Variants in TRDMT1 observed in about 807,000 individuals in gnomAD.
TRDMT1 encodes tRNA aspartic acid methyltransferase 1.
In TRDMT1, 49 loss-of-function variants were observed where a neutral mutation model predicts 51.2. That is an observed-to-expected ratio of 0.96 (90% CI 0.76 to 1.21). The LOEUF is 1.21. Ranked by LOEUF, TRDMT1 falls within the 50% of genes most tolerant of loss-of-function variation. The pLI, the probability that TRDMT1 is intolerant of heterozygous loss-of-function variation, is 0.00. For missense variants in TRDMT1, 534 were observed against 462.3 expected (o/e 1.16, Z -1.42); for synonymous variants, 187 against 164.6 (o/e 1.14, Z -1.04).
intron 3 of TRDMT1, among the ~76,000 whole-genome samples, chr10:17,166,545 C>T: frequency 6.6e-6 from 1 of 152,062 alleles, no homozygotes; most frequent in Non-Finnish European, 1.5e-5. Flanking sequence ...TGCTATTTAT[C>T]TTCAGAGTCT....
chr10:17,160,522 A>G (rs936769426), intron 5 of TRDMT1, 148 bp from the exon 6 acceptor site: 21 of 441,392 alleles, frequency 4.8e-5, no homozygotes, highest in Admixed American at 3.9e-5. Context: ...CCCAGGCTGG[A>G]ATGCAATGGC....
chr10:17,148,654 A>G lies in TRDMT1; in HGVS notation c.*386T>C. 1.0e-6 allele frequency: 1 copy of G among 967,562 alleles called. No individual in the cohort carries two copies. 59.9% of individuals were successfully genotyped at this position (967,562 alleles called of 1,614,324 possible). ...ATTAGAATCATTATTTTAAAATTAGAAATAAAAAACTTCTTTAATTAACAT... is the reference window on the plus strand; with the variant it reads ...ATTAGAATCATTATTTTAAAATTAGGAATAAAAAACTTCTTTAATTAACAT... On this transcript the variant is annotated 3_prime_UTR_variant, in exon 11 of 11. Coordinates refer to ENST00000377799, the MANE Select transcript of TRDMT1 (RefSeq NM_004412.7).
chr10:17,157,722 T>A lies in TRDMT1; in HGVS notation c.606A>T (p.Glu202Asp). The A allele has an allele frequency of 6.2e-7, 1 of 1,611,708 alleles. No individual in the cohort carries two copies. The highest frequency in any genetic ancestry group is 8.5e-7 in the Non-Finnish European group (1 of 1,179,418). Residue 202 changes from glutamate to aspartate, a missense_variant, in exon 8 of 11, where the codon GAA becomes GAT. Physicochemically the swap from Glu to Asp is conservative, Grantham distance 45. Transcript: ENST00000377799. Reference sequence around the variant, plus strand: ...CAACGTTCTTTTCTTGAATTTTATTTTCTACATCCATTGCATATTTTTGTG... The same window carrying A: ...CAACGTTCTTTTCTTGAATTTTATTATCTACATCCATTGCATATTTTTGTG... ...VHPQKYAMDV[E>D]NKIQEKNVEP...
At position 17,145,096 on chromosome 10, in the gene TRDMT1, A is replaced by C; in HGVS notation, c.*3944T>G. On this transcript the variant is annotated 3_prime_UTR_variant, in exon 11 of 11. Transcript: ENST00000377799. ...GAAACCCGATCTCTACTAATACAAAAATTAGCTAGGTGTGGTGGCATGCGC... is the reference window on the plus strand; with the variant it reads ...GAAACCCGATCTCTACTAATACAAACATTAGCTAGGTGTGGTGGCATGCGC... The C allele has an allele frequency of 4.8e-6, 3 of 628,070 alleles. No individual in the cohort carries two copies. Among genetic ancestry groups the C allele is most frequent in the Non-Finnish European group, 6.0e-6 (3 of 503,676 alleles). The allele number at this position is 628,070 out of a possible 1,614,324, so 38.9% of individuals were successfully genotyped here. A position where few individuals can be genotyped will look rare whatever the true frequency, so the allele number is the denominator to read the frequency against.
At chr10:17,178,416 C>G (rs952478730) in intron 1 of TRDMT1, among the ~76,000 whole-genome samples, 2 of 152,074 alleles carry the variant, frequency 1.3e-5, no homozygotes, top group Non-Finnish European at 2.9e-5. Flanking sequence ...TGGCTCACAC[C>G]TGTAATTCCA....
rs1241424119 is a variant in TRDMT1 at position 17,138,813 on chromosome 10, G to A, written c.*10227C>T. ...TCATAAACAATGAGAAAAAAATAAC[G>A]AAATTCAAATCCAGAGGGACAAACG... On this transcript the variant is annotated 3_prime_UTR_variant, in exon 11 of 11. Coordinates refer to ENST00000377799, the MANE Select transcript of TRDMT1 (RefSeq NM_004412.7). 2.6e-5 allele frequency among the ~76,000 whole-genome samples: 4 copies of A among 151,624 alleles called. No individual in the cohort carries two copies. The highest frequency in any genetic ancestry group is 2.1e-4 in the South Asian group (1 of 4,804).
chr10:17,194,476 C>A (rs1359600068), intron 1 of TRDMT1, among the ~76,000 whole-genome samples: 1 of 152,050 alleles, frequency 6.6e-6, no homozygotes, highest in Non-Finnish European at 1.5e-5. Context: ...AAACAAACAA[C>A]CCCACTTAAA....
At position 17,145,371 on chromosome 10, in the gene TRDMT1, CTGATA is replaced by C. The variant is rs1363045005; in HGVS notation, c.*3664_*3668del. 1 of 985,238 alleles carries C rather than the reference CTGATA, an allele frequency of 1.0e-6. No individual in the cohort carries two copies. The highest frequency in any genetic ancestry group is 1.1e-4 in the East Asian group (1 of 8,804). 61.0% of individuals were successfully genotyped at this position (985,238 alleles called of 1,614,324 possible). A position where few individuals can be genotyped will look rare whatever the true frequency, so the allele number is the denominator to read the frequency against. ...GTCCAGAAAAGTGCTTGCTAAGAAG[CTGATA>C]TGATAGTTGTATATAGCACATTTGA... On this transcript the variant is annotated 3_prime_UTR_variant, in exon 11 of 11. Coordinates refer to ENST00000377799, the MANE Select transcript of TRDMT1 (RefSeq NM_004412.7).
At position 17,139,749 on chromosome 10, in the gene TRDMT1, T is replaced by G. The variant is rs979097459; in HGVS notation, c.*9291A>C. 2.0e-5 allele frequency among the ~76,000 whole-genome samples: 3 copies of G among 152,132 alleles called. No individual in the cohort carries two copies. The highest frequency in any genetic ancestry group is 7.2e-5 in the African/African-American group (3 of 41,412). On this transcript the variant is annotated 3_prime_UTR_variant, in exon 11 of 11. Transcript: ENST00000377799. ...CATCATTCCCAGGGGATTTGTTAATTGAAGTGCCACATAGATCTGTGGGAA... is the reference window on the plus strand; with the variant it reads ...CATCATTCCCAGGGGATTTGTTAATGGAAGTGCCACATAGATCTGTGGGAA...
chr10:17,144,527 A>C lies in TRDMT1; in HGVS notation c.*4513T>G. Reference sequence around the variant, plus strand: ...GGTGTACTTGAGGGAGACTTCAGTAAGTGCTGGATGTGGCTGAAAGTAAGA... The same window carrying C: ...GGTGTACTTGAGGGAGACTTCAGTACGTGCTGGATGTGGCTGAAAGTAAGA... On this transcript the variant is annotated 3_prime_UTR_variant, in exon 11 of 11. Transcript: ENST00000377799. 10 of 985,868 alleles carry C rather than the reference A, an allele frequency of 1.0e-5. No homozygotes were observed. Among genetic ancestry groups the C allele is most frequent in the Non-Finnish European group, 1.2e-5 (10 of 829,922 alleles). 61.1% of individuals were successfully genotyped at this position (985,868 alleles called of 1,614,324 possible).
intron 1 of TRDMT1, among the ~76,000 whole-genome samples, chr10:17,186,214 G>A (rs923734065): frequency 6.6e-6 from 1 of 152,000 alleles, no homozygotes; most frequent in Admixed American, 6.6e-5. Context: ...ATTTCTTAAG[G>A]TGTGATAGGC....
At chr10:17,175,460 C>T (rs1842513992) in intron 1 of TRDMT1, among the ~76,000 whole-genome samples, 1 of 152,156 alleles carries the variant, frequency 6.6e-6, no homozygotes, top group East Asian at 1.9e-4. Context: ...AATGACCACC[C>T]TCTTTCCCCA....
rs566108226 is a variant in TRDMT1 at position 17,197,072 on chromosome 10, C to T, written c.64+4499G>A. Among the ~76,000 whole-genome samples the T allele has an allele frequency of 4.6e-5, 7 of 152,184 alleles. No individual in the cohort carries two copies. In the South Asian group the frequency reaches 1.5e-3, roughly 32 times the overall value. On this transcript the variant is annotated intron_variant, in intron 1 of 10. Coordinates refer to ENST00000377799, the MANE Select transcript of TRDMT1 (RefSeq NM_004412.7). ...TGGGCAGTGCTCCTGTTCACCTAAC[C>T]TGTTTGTTGGGTGTCCTGGAGATTC...
chr10:17,179,250 A>AC (rs766961087), intron 1 of TRDMT1, among the ~76,000 whole-genome samples: 135 of 152,224 alleles, frequency 8.9e-4, no homozygotes, highest in Admixed American at 3.7e-3. Context: ...CAGCCCCTCA[A>AC]CCCACAACCT....
chr10:17,187,304 C>T (rs1844070306), intron 1 of TRDMT1, among the ~76,000 whole-genome samples: 1 of 152,048 alleles, frequency 6.6e-6, no homozygotes, highest in East Asian at 1.9e-4. Context: ...TATTCAACTT[C>T]ACTAGTAATC....
chr10:17,153,607 A>T lies in TRDMT1; in HGVS notation c.975T>A (p.Asn325Lys). The T allele has an allele frequency of 6.2e-7, 1 of 1,602,718 alleles. No homozygotes were observed. Among genetic ancestry groups the T allele is most frequent in the South Asian group, 1.1e-5 (1 of 88,756 alleles). Reference sequence around the variant, plus strand: ...TTGTTATCTGTTCTTCTTGTGACAAATTGGTAAGGGATTTGTAGATATTCT... The same window carrying T: ...TTGTTATCTGTTCTTCTTGTGACAATTTGGTAAGGGATTTGTAGATATTCT... ...QVENIYKSLT[N>K]LSQEEQITKL... is the part of the protein sequence containing the mutation. Residue 325 changes from asparagine to lysine, a missense_variant, in exon 10 of 11, where the codon AAT (asparagine) becomes AAA (lysine). Transcript: ENST00000377799.
chr10:17,157,416 G>C (rs772854502), intron 8 of TRDMT1, 25 bp downstream of exon 8: 5 of 1,543,598 alleles, frequency 3.2e-6, no homozygotes, highest in Non-Finnish European at 3.5e-6. Context: ...TTTGGATACA[G>C]GATCAATAGA....
intron 10 of TRDMT1, among the ~76,000 whole-genome samples, chr10:17,149,977 A>C (rs2131369399): frequency 6.6e-6 from 1 of 152,162 alleles, no homozygotes; most frequent in East Asian, 1.9e-4. Flanking sequence ...ACGTATTTTC[A>C]ATTCTCTTGG....
intron 3 of TRDMT1, among the ~76,000 whole-genome samples, chr10:17,165,502 A>G (rs1315800775): frequency 6.6e-6 from 1 of 152,250 alleles, no homozygotes; most frequent in Non-Finnish European, 1.5e-5. Context: ...TGGCAACAAA[A>G]GCCAAAATTG....
Sources: allele counts gnomAD v4.1 joint callset (sites outside exome capture counted in the v4.1 genomes callset), GRCh38; gene constraint gnomAD v4.1.1; transcripts MANE v1.5; gene names NCBI Gene and HGNC (gene_info 2026-07-23, HGNC 2026-07-21).